The following DDAH1 variants were observed in gnomAD, a reference collection of about 807,000 sequenced individuals.
DDAH1 encodes dimethylarginine dimethylaminohydrolase 1.
Under a neutral mutation model 28.8 loss-of-function variants are expected in DDAH1, and 19 were observed. That is an observed-to-expected ratio of 0.66 (90% CI 0.46 to 0.97). The LOEUF is 0.97. Among genes scored for constraint, DDAH1 ranks in the 50% least tolerant of loss-of-function variants. DDAH1 has a pLI of 0.00. For synonymous variants in DDAH1, 153 were observed against 154.4 expected (o/e 0.99, Z 0.07); for missense variants, 326 against 375.9 (o/e 0.87, Z 1.10).
At chr1:85,501,587 A>G (rs563199) in intron 1 of DDAH1, among the ~76,000 whole-genome samples, 56,702 of 151,728 alleles carry the variant, frequency 0.37, 11,047 homozygotes, top group South Asian at 0.45. Context: ...CACCTCAACC[A>G]CCCTGAACTG....
At chr1:85,379,295 A>G (rs1051969396) in intron 1 of DDAH1, among the ~76,000 whole-genome samples, 1 of 152,170 alleles carries the variant, frequency 6.6e-6, no homozygotes, top group Non-Finnish European at 1.5e-5. Flanking sequence ...TGCTCTTTCC[A>G]TCACATCCAC....
chr1:85,448,439 T>C (rs538477559), intron 1 of DDAH1, among the ~76,000 whole-genome samples: 3 of 152,360 alleles, frequency 2.0e-5, no homozygotes, highest in Non-Finnish European at 4.4e-5. Flanking sequence ...TAGAGTTCTA[T>C]GAAGTATTCA....
chr1:85,558,489 T>G (rs1176653709), intron 1 of DDAH1, among the ~76,000 whole-genome samples: 2 of 152,214 alleles, frequency 1.3e-5, no homozygotes, highest in Non-Finnish European at 2.9e-5. Flanking sequence ...GACATTCTTT[T>G]TGATGGCCCA....
chr1:85,425,684 T>C (rs1227188224), intron 1 of DDAH1, among the ~76,000 whole-genome samples: 1 of 152,182 alleles, frequency 6.6e-6, no homozygotes, highest in East Asian at 1.9e-4. Context: ...TAGTTTAAAA[T>C]TTCCCTCCAA....
At chr1:85,392,886 GCAACTA>G (rs1651627447) in intron 1 of DDAH1, among the ~76,000 whole-genome samples, 1 of 151,648 alleles carries the variant, frequency 6.6e-6, no homozygotes, top group Non-Finnish European at 1.5e-5. Context: ...CAACTACGAT[GCAACTA>G]CAAGGAAAGG....
At chr1:85,533,345 T>G (rs1461637811) in intron 1 of DDAH1, among the ~76,000 whole-genome samples, 1 of 152,166 alleles carries the variant, frequency 6.6e-6, no homozygotes, top group Non-Finnish European at 1.5e-5. Flanking sequence ...CTTCTTTTCT[T>G]TTTTCAATTG....
chr1:85,548,346 C>T (rs1658687426), intron 1 of DDAH1, among the ~76,000 whole-genome samples: 1 of 152,190 alleles, frequency 6.6e-6, no homozygotes, highest in South Asian at 2.1e-4. Flanking sequence ...GTTTAACTAA[C>T]TCACCCTTTA....
At chr1:85,491,601 G>A (rs1331981570) in intron 2 of DDAH1, among the ~76,000 whole-genome samples, 3 of 152,180 alleles carry the variant, frequency 2.0e-5, no homozygotes, top group Non-Finnish European at 2.9e-5. Context: ...GACATCCATA[G>A]GACCAGCTGT....
intron 1 of DDAH1, among the ~76,000 whole-genome samples, chr1:85,511,389 G>C (rs1393762273): frequency 6.6e-6 from 1 of 152,176 alleles, no homozygotes; most frequent in African/African-American, 2.4e-5. Flanking sequence ...ACGTCCACTA[G>C]AGAAAGCAAG....
intron 1 of DDAH1, chr1:85,577,946 A>C: frequency 2.0e-6 from 2 of 985,002 alleles, no homozygotes; most frequent in Non-Finnish European, 2.4e-6. Flanking sequence ...AAACTAGCAA[A>C]AGAGCCATAC....
At chr1:85,404,788 A>C (rs1652328120) in intron 1 of DDAH1, among the ~76,000 whole-genome samples, 1 of 152,160 alleles carries the variant, frequency 6.6e-6, no homozygotes, top group African/African-American at 2.4e-5. Context: ...TACAATTGTA[A>C]GGTGAAGCTC....
chr1:85,340,663 G>A (rs1036735781), intron 4 of DDAH1, among the ~76,000 whole-genome samples: 7 of 152,148 alleles, frequency 4.6e-5, no homozygotes, highest in Middle Eastern at 6.8e-3. Flanking sequence ...GCATCAGCTA[G>A]TTTTATTACT....
chr1:85,459,223 A>C (rs74712609), intron 1 of DDAH1, among the ~76,000 whole-genome samples: 2,548 of 152,366 alleles, frequency 0.017, 64 homozygotes, highest in East Asian at 0.11. Context: ...AAGAATTCAA[A>C]TACATGCAAA....
chr1:85,543,625 G>A (rs1658535571), intron 1 of DDAH1, among the ~76,000 whole-genome samples: 2 of 152,160 alleles, frequency 1.3e-5, no homozygotes, highest in Admixed American at 1.3e-4. Context: ...TGATAAAACT[G>A]GACAATGGCA....
intron 1 of DDAH1, among the ~76,000 whole-genome samples, chr1:85,413,709 C>A (rs1431820366): frequency 2.0e-5 from 3 of 152,102 alleles, no homozygotes; most frequent in African/African-American, 7.2e-5. Context: ...AATTCAAATC[C>A]GAAAAACAAT....
intron 2 of DDAH1, among the ~76,000 whole-genome samples, chr1:85,356,172 CATTTT>C (rs1160773167): frequency 2.0e-4 from 31 of 152,156 alleles, no homozygotes; most frequent in Admixed American, 2.0e-3. Context: ...TGTACATAAA[CATTTT>C]ATAACTCTTT....
intron 1 of DDAH1, among the ~76,000 whole-genome samples, chr1:85,391,122 C>T (rs1002330684): frequency 6.6e-6 from 1 of 151,788 alleles, no homozygotes; most frequent in African/African-American, 2.4e-5. Flanking sequence ...ATTAACCTGA[C>T]TTATTCTGCT....
intron 1 of DDAH1, chr1:85,404,257 C>G: frequency 1.2e-6 from 1 of 856,292 alleles, no homozygotes; most frequent in Non-Finnish European, 1.7e-6. Flanking sequence ...GAATCCACTT[C>G]TTAGAAGATG....
At chr1:85,541,927 G>A (rs1019422622) in intron 1 of DDAH1, among the ~76,000 whole-genome samples, 1 of 152,136 alleles carries the variant, frequency 6.6e-6, no homozygotes, top group Non-Finnish European at 1.5e-5. Context: ...CCAGCTTTCA[G>A]GACTGTGAGA....
Sources: allele counts gnomAD v4.1 joint callset (sites outside exome capture counted in the v4.1 genomes callset), GRCh38; gene constraint gnomAD v4.1.1; transcripts MANE v1.5; gene names NCBI Gene and HGNC (gene_info 2026-07-23, HGNC 2026-07-21).